The following NDRG3 variants were observed in gnomAD, a reference collection of about 807,000 sequenced individuals.
NDRG3 encodes the protein NDRG family member 3.
In NDRG3, 23 loss-of-function variants were observed where a neutral mutation model predicts 57.2. The observed-to-expected ratio is 0.40, with a 90% confidence interval of 0.29 to 0.57. The LOEUF (loss-of-function observed/expected upper bound fraction) is 0.57. Among genes scored for constraint, NDRG3 ranks in the 20% least tolerant of loss-of-function variants. The pLI is 0.42. For synonymous variants in NDRG3, 132 were observed against 162.6 expected (o/e 0.81, Z 1.43); for missense variants, 384 against 457.3 (o/e 0.84, Z 1.46).
At chr20:36,669,796 C>T (rs538466624) in intron 9 of NDRG3, among the ~76,000 whole-genome samples, 3 of 152,284 alleles carry the variant, frequency 2.0e-5, no homozygotes, top group African/African-American at 7.2e-5. Context: ...CAGAGTTTCA[C>T]CATGTTGGCC....
At chr20:36,722,088 T>C (rs1984627104) in intron 1 of NDRG3, among the ~76,000 whole-genome samples, 1 of 152,174 alleles carries the variant, frequency 6.6e-6, no homozygotes, top group African/African-American at 2.4e-5. Context: ...GATTACATTA[T>C]ATAATATTTT....
At chr20:36,726,868 T>C (rs1267806205) in intron 1 of NDRG3, among the ~76,000 whole-genome samples, 1 of 152,052 alleles carries the variant, frequency 6.6e-6, no homozygotes, top group East Asian at 1.9e-4. Flanking sequence ...CTCGGCACCT[T>C]ATGTTTAATC....
At chr20:36,704,116 G>T (rs1205355966) in intron 3 of NDRG3, among the ~76,000 whole-genome samples, 6 of 151,766 alleles carry the variant, frequency 4.0e-5, no homozygotes, top group African/African-American at 1.5e-4. Context: ...TCACTCTGTT[G>T]CCCAGGCTGG....
At chr20:36,729,332 C>G (rs1165539529) in intron 1 of NDRG3, among the ~76,000 whole-genome samples, 1 of 152,152 alleles carries the variant, frequency 6.6e-6, no homozygotes, top group African/African-American at 2.4e-5. Context: ...ACTTGGCAAA[C>G]AGTTTCAGAG....
chr20:36,674,242 C>T (rs1194668444), intron 8 of NDRG3, among the ~76,000 whole-genome samples: 2 of 152,068 alleles, frequency 1.3e-5, no homozygotes, highest in Non-Finnish European at 2.9e-5. Flanking sequence ...CTCTGTCACC[C>T]AGGCTGGAGT....
intron 1 of NDRG3, among the ~76,000 whole-genome samples, chr20:36,734,135 G>A (rs1473400677): frequency 1.3e-5 from 2 of 152,056 alleles, no homozygotes; most frequent in African/African-American, 2.4e-5. Context: ...CAAGGCAGGC[G>A]GATCACCTTT....
At chr20:36,707,806 G>A (rs560674382) in intron 2 of NDRG3, among the ~76,000 whole-genome samples, 10 of 152,216 alleles carry the variant, frequency 6.6e-5, no homozygotes, top group Admixed American at 1.3e-4. Context: ...AAAAGGGGCC[G>A]AGTGTGGTGG....
intron 2 of NDRG3, among the ~76,000 whole-genome samples, chr20:36,714,540 CA>C (rs1327405300): frequency 6.7e-6 from 1 of 150,046 alleles, no homozygotes; most frequent in Non-Finnish European, 1.5e-5. Context: ...CTCCTGGGTT[CA>C]AGCCATTCTC....
intron 1 of NDRG3, among the ~76,000 whole-genome samples, chr20:36,724,034 G>C (rs1218753585): frequency 1.3e-5 from 2 of 151,980 alleles, no homozygotes; most frequent in African/African-American, 2.4e-5. Context: ...CCACTTTTCT[G>C]TTTACCTTCT....
intron 8 of NDRG3, among the ~76,000 whole-genome samples, chr20:36,673,751 T>C (rs966335378): frequency 6.6e-6 from 1 of 152,190 alleles, no homozygotes; most frequent in Non-Finnish European, 1.5e-5. Context: ...AAGTAAATAA[T>C]GTCTCTGTAG....
intron 1 of NDRG3, among the ~76,000 whole-genome samples, chr20:36,730,247 CA>C (rs36065530): frequency 0.077 from 9,133 of 118,264 alleles, 920 homozygotes; most frequent in African/African-American, 0.25. Flanking sequence ...ACTCTGTCTC[CA>C]AAAAAAAAAA....
chr20:36,651,882 T>G lies in NDRG3; in HGVS notation c.*1638A>C, dbSNP rs1464455016. 1 of 152,210 alleles carries G rather than the reference T, an allele frequency of 6.6e-6. No homozygotes were observed. Among genetic ancestry groups the G allele is most frequent in the Non-Finnish European group, 1.5e-5 (1 of 68,036 alleles). 9.4% of individuals were successfully genotyped at this position (152,210 alleles called of 1,614,324 possible). ...GCAAACAGTCTGTCTGAAAAGCCCCTTCCCAAGATTTGGAACTGTGTAACC... is the reference window on the plus strand; with the variant it reads ...GCAAACAGTCTGTCTGAAAAGCCCCGTCCCAAGATTTGGAACTGTGTAACC... On this transcript the variant is annotated 3_prime_UTR_variant, in exon 16 of 16. Transcript: ENST00000349004.
chr20:36,698,324 T>C (rs1040589524), intron 3 of NDRG3, among the ~76,000 whole-genome samples: 9 of 150,792 alleles, frequency 6.0e-5, no homozygotes, highest in South Asian at 2.2e-4. Flanking sequence ...GTGTGGTGGC[T>C]CATGCCTGTA....
At chr20:36,742,696 T>C (rs989339402) in intron 1 of NDRG3, among the ~76,000 whole-genome samples, 22 of 152,184 alleles carry the variant, frequency 1.4e-4, no homozygotes, top group African/African-American at 5.3e-4. Flanking sequence ...AACATTAATA[T>C]GGGAATGTTT....
chr20:36,656,841 T>C (rs989751444), intron 13 of NDRG3, among the ~76,000 whole-genome samples: 1 of 152,184 alleles, frequency 6.6e-6, no homozygotes, highest in Non-Finnish European at 1.5e-5. Context: ...AGAAGGTTCC[T>C]TTCAGAGCCC....
intron 3 of NDRG3, among the ~76,000 whole-genome samples, chr20:36,697,073 AG>A (rs1179538962): frequency 6.6e-6 from 1 of 152,196 alleles, no homozygotes; most frequent in Non-Finnish European, 1.5e-5. Context: ...CCATATCAAA[AG>A]AACTTTGAAA....
chr20:36,734,097 C>T (rs779164673), intron 1 of NDRG3, among the ~76,000 whole-genome samples: 7 of 152,124 alleles, frequency 4.6e-5, no homozygotes, highest in African/African-American at 1.7e-4. Context: ...CGGTGGCTCA[C>T]GCCTGTAATC....
intron 10 of NDRG3, 108 bp downstream of exon 10, chr20:36,666,181 C>T: frequency 1.2e-6 from 1 of 804,244 alleles, no homozygotes; most frequent in Admixed American, 2.4e-5. Flanking sequence ...CACATTTTCA[C>T]CTCGGAGAAG....
At chr20:36,684,147 G>C (rs1035305756) in intron 6 of NDRG3, among the ~76,000 whole-genome samples, 6 of 152,220 alleles carry the variant, frequency 3.9e-5, no homozygotes, top group Non-Finnish European at 2.9e-5. Context: ...AAATCTTCTA[G>C]GTCTCAGCGT....
Sources: allele counts gnomAD v4.1 joint callset (sites outside exome capture counted in the v4.1 genomes callset), GRCh38; gene constraint gnomAD v4.1.1; transcripts MANE v1.5; gene names NCBI Gene and HGNC (gene_info 2026-07-23, HGNC 2026-07-21).